The following PDE4B variants were observed in gnomAD, a reference collection of about 807,000 sequenced individuals.
PDE4B encodes the protein phosphodiesterase 4B.
PDE4B carries 20 observed loss-of-function variants against 82.2 expected under a neutral mutation model. That is an observed-to-expected ratio of 0.24 (90% CI 0.17 to 0.35). The LOEUF is 0.35. Ranked by LOEUF, PDE4B falls within the 10% of genes least tolerant of loss-of-function variation. PDE4B has a pLI of 1.00. For synonymous variants in PDE4B, 320 were observed against 318.9 expected (o/e 1.00, Z -0.04); for missense variants, 655 against 907.2 (o/e 0.72, Z 3.57).
At chr1:66,335,582 G>A (rs1217365468) in intron 8 of PDE4B, among the ~76,000 whole-genome samples, 1 of 152,134 alleles carries the variant, frequency 6.6e-6, no homozygotes, top group Admixed American at 6.5e-5. Flanking sequence ...AAGAAACATC[G>A]TCCTCTGTTT....
At chr1:65,880,279 C>G (rs1329019579) in intron 1 of PDE4B, among the ~76,000 whole-genome samples, 1 of 152,158 alleles carries the variant, frequency 6.6e-6, no homozygotes, top group Admixed American at 6.5e-5. Flanking sequence ...TCATACCAGG[C>G]CTGAGTAGGT....
chr1:65,889,164 A>G (rs1412712501), intron 1 of PDE4B, among the ~76,000 whole-genome samples: 1 of 152,132 alleles, frequency 6.6e-6, no homozygotes, highest in Admixed American at 6.6e-5. Flanking sequence ...GAATTCTATC[A>G]CATGCCTTTT....
intron 3 of PDE4B, among the ~76,000 whole-genome samples, chr1:66,031,047 A>G (rs993241602): frequency 1.3e-5 from 2 of 152,210 alleles, no homozygotes; most frequent in Non-Finnish European, 2.9e-5. Flanking sequence ...CATTGGGACC[A>G]CAAGCCTCAA....
intron 3 of PDE4B, among the ~76,000 whole-genome samples, chr1:65,988,898 AG>A (rs1420277271): frequency 2.6e-5 from 4 of 152,292 alleles, no homozygotes; most frequent in African/African-American, 9.6e-5. Flanking sequence ...GAATATAAAA[AG>A]TATGTAATTA....
intron 3 of PDE4B, among the ~76,000 whole-genome samples, chr1:66,070,933 C>A (rs1656123990): frequency 6.6e-6 from 1 of 151,906 alleles, no homozygotes; most frequent in African/African-American, 2.4e-5. Context: ...TTATTGATTA[C>A]AAAATCCATT....
chr1:66,200,131 G>T (rs1648751172), intron 3 of PDE4B, among the ~76,000 whole-genome samples: 1 of 152,136 alleles, frequency 6.6e-6, no homozygotes, highest in African/African-American at 2.4e-5. Flanking sequence ...GTTTTTGTCA[G>T]GTTTGTCAAA....
At chr1:66,134,482 A>G (rs1394924625) in intron 3 of PDE4B, among the ~76,000 whole-genome samples, 2 of 152,180 alleles carry the variant, frequency 1.3e-5, no homozygotes, top group African/African-American at 2.4e-5. Flanking sequence ...CAGACACTGT[A>G]TGCCTTATTT....
chr1:66,230,966 G>A (rs749929561), intron 3 of PDE4B, among the ~76,000 whole-genome samples: 14 of 151,484 alleles, frequency 9.2e-5, no homozygotes, highest in African/African-American at 1.5e-4. Context: ...CCCAGGAGGC[G>A]GAGGTTGCAG....
intron 2 of PDE4B, among the ~76,000 whole-genome samples, chr1:65,917,728 A>T (rs1464037992): frequency 4.6e-5 from 7 of 152,248 alleles, no homozygotes; most frequent in Non-Finnish European, 1.0e-4. Context: ...TTCAAGACTG[A>T]ATAAAGTATA....
chr1:66,069,141 T>C (rs1656021738), intron 3 of PDE4B, among the ~76,000 whole-genome samples: 1 of 152,030 alleles, frequency 6.6e-6, no homozygotes, highest in African/African-American at 2.4e-5. Context: ...TGTTCTTACA[T>C]GGTCCTCTAT....
In PDE4B at chr1:66,365,656, T is replaced by TTGCC. The variant is rs745760785; in HGVS notation, c.1285-10_1285-7dup. On this transcript the variant is annotated splice_polypyrimidine_tract_variant and intron_variant, in intron 12 of 16. Coordinates refer to ENST00000341517, the MANE Select transcript of PDE4B (RefSeq NM_002600.4). ...TGGATGTGTAGTTAAATGTGTTTATTTGCCCGACAGGCTGTCTTCACAGAT... is the reference window on the plus strand; with the variant it reads ...TGGATGTGTAGTTAAATGTGTTTATTTGCCTGCCCGACAGGCTGTCTTCACAGAT... 9.6e-6 allele frequency: 15 copies of TTGCC among 1,567,294 alleles called. No homozygotes were observed. The highest frequency in any genetic ancestry group is 1.3e-5 in the Non-Finnish European group (15 of 1,139,456).
chr1:66,027,747 A>C (rs1041382752), intron 3 of PDE4B, among the ~76,000 whole-genome samples: 1 of 152,172 alleles, frequency 6.6e-6, no homozygotes, highest in Non-Finnish European at 1.5e-5. Flanking sequence ...GCAAGTCCAA[A>C]ATCCAACGGG....
At chr1:66,238,176 A>G (rs374790609) in intron 3 of PDE4B, among the ~76,000 whole-genome samples, 1 of 152,182 alleles carries the variant, frequency 6.6e-6, no homozygotes, top group Admixed American at 6.6e-5. Flanking sequence ...TTTATGTAGC[A>G]CTTTCTACCA....
At chr1:65,950,851 C>T (rs1222021345) in intron 3 of PDE4B, among the ~76,000 whole-genome samples, 1 of 152,032 alleles carries the variant, frequency 6.6e-6, no homozygotes, top group Non-Finnish European at 1.5e-5. Context: ...GGGCAAACAC[C>T]AGCCACATTC....
intron 7 of PDE4B, among the ~76,000 whole-genome samples, chr1:66,320,611 A>T (rs976669627): frequency 6.6e-6 from 1 of 152,120 alleles, no homozygotes; most frequent in African/African-American, 2.4e-5. Context: ...CCATCTGTTG[A>T]TATGTTGGGC....
chr1:65,818,685 C>CACACACATATATATATATAT (rs141035147), intron 1 of PDE4B, among the ~76,000 whole-genome samples: 3 of 143,764 alleles, frequency 2.1e-5, no homozygotes, highest in African/African-American at 7.7e-5. Flanking sequence ...CACACACACA[C>CACACACATATATATATATAT]ATATATATAT....
intron 1 of PDE4B, among the ~76,000 whole-genome samples, chr1:65,805,388 A>C (rs758078646): frequency 1.2e-4 from 19 of 152,146 alleles, no homozygotes; most frequent in Non-Finnish European, 2.1e-4. Context: ...CACATCCTTT[A>C]TATTTATATT....
At chr1:66,180,186 T>A (rs1647030532) in intron 3 of PDE4B, among the ~76,000 whole-genome samples, 1 of 152,138 alleles carries the variant, frequency 6.6e-6, no homozygotes, top group African/African-American at 2.4e-5. Context: ...CTGGTAAGTG[T>A]CTGTCATGAT....
chr1:65,966,076 G>T (rs561214733), intron 3 of PDE4B, among the ~76,000 whole-genome samples: 4 of 152,126 alleles, frequency 2.6e-5, no homozygotes, highest in Admixed American at 2.6e-4. Context: ...AGAAATAAAG[G>T]GTATTCAAAT....
Sources: allele counts gnomAD v4.1 joint callset (sites outside exome capture counted in the v4.1 genomes callset), GRCh38; gene constraint gnomAD v4.1.1; transcripts MANE v1.5; gene names NCBI Gene and HGNC (gene_info 2026-07-23, HGNC 2026-07-21).